ADGRB3: variants seen among roughly 807,000 people sequenced by gnomAD.
The protein encoded by ADGRB3 is brain-specific angiogenesis inhibitor 3.
In ADGRB3, 37 loss-of-function variants were observed where a neutral mutation model predicts 193.4. That is an observed-to-expected ratio of 0.19 (90% CI 0.15 to 0.25). The LOEUF (loss-of-function observed/expected upper bound fraction) is 0.25. Among genes scored for constraint, ADGRB3 ranks in the 10% least tolerant of loss-of-function variants. ADGRB3 has a pLI of 1.00. For missense variants in ADGRB3, 1,637 were observed against 1,852.9 expected, an observed-to-expected ratio of 0.88 and a Z score of 2.14; for synonymous variants, 690 against 644.2, an observed-to-expected ratio of 1.07 and a Z score of -1.08.
intron 3 of ADGRB3, among the ~76,000 whole-genome samples, chr6:68,780,507 A>G (rs897526685): frequency 1.3e-5 from 2 of 152,050 alleles, no homozygotes; most frequent in Non-Finnish European, 2.9e-5. Context: ...ATTACAATCA[A>G]TCCAATGCAT....
intron 3 of ADGRB3, among the ~76,000 whole-genome samples, chr6:68,828,491 A>T (rs1381314620): frequency 2.6e-5 from 4 of 152,192 alleles, no homozygotes; most frequent in Non-Finnish European, 4.4e-5. Flanking sequence ...CACCAAAATA[A>T]AATGTTCACT....
chr6:69,226,666 T>C (rs1766022377), intron 17 of ADGRB3, among the ~76,000 whole-genome samples: 1 of 152,228 alleles, frequency 6.6e-6, no homozygotes, highest in Non-Finnish European at 1.5e-5. Context: ...ACAACCATTA[T>C]TATTTGATTT....
At chr6:69,181,874 G>C (rs1775593394) in intron 17 of ADGRB3, among the ~76,000 whole-genome samples, 1 of 151,780 alleles carries the variant, frequency 6.6e-6, no homozygotes, top group African/African-American at 2.4e-5. Flanking sequence ...TAATCAACTA[G>C]GTTAATAATT....
At chr6:68,705,397 A>G (rs1362235998) in intron 3 of ADGRB3, among the ~76,000 whole-genome samples, 1 of 152,232 alleles carries the variant, frequency 6.6e-6, no homozygotes, top group Non-Finnish European at 1.5e-5. Flanking sequence ...TCTAAAAGTC[A>G]TTGTAATGTA....
intron 13 of ADGRB3, among the ~76,000 whole-genome samples, chr6:69,030,480 C>T (rs1770610202): frequency 6.6e-6 from 1 of 152,104 alleles, no homozygotes; most frequent in Non-Finnish European, 1.5e-5. Flanking sequence ...ATGGATGAAG[C>T]TGGAAACCAT....
At chr6:69,195,712 T>G (rs2150356266) in intron 17 of ADGRB3, among the ~76,000 whole-genome samples, 1 of 152,228 alleles carries the variant, frequency 6.6e-6, no homozygotes, top group African/African-American at 2.4e-5. Context: ...AAGTTTTTTT[T>G]TTGTTTGTTT....
intron 6 of ADGRB3, among the ~76,000 whole-genome samples, chr6:68,947,999 G>A (rs1488083350): frequency 1.3e-5 from 2 of 152,132 alleles, no homozygotes; most frequent in African/African-American, 2.4e-5. Flanking sequence ...TGTGTTAAGT[G>A]ATTTGGCAGA....
Position 69,031,019 on chromosome 6 carries a change from TTTTTTTC to T in ADGRB3, c.2107+12521_2107+12527del, listed in dbSNP as rs1423702381. 7.0e-3 allele frequency among the ~76,000 whole-genome samples: 675 copies of T among 95,854 alleles called. 53 individuals are homozygous for T. The highest frequency in any genetic ancestry group is 0.029 in the Middle Eastern group (5 of 174). The allele number at this position is 95,854 out of a possible 152,430, so 62.9% of individuals were successfully genotyped here. A position where few individuals can be genotyped will look rare whatever the true frequency, so the allele number is the denominator to read the frequency against. On this transcript the variant is annotated intron_variant, in intron 13 of 31. Transcript: ENST00000370598. ...TCTTTTCCTTTCTTTTCTTTTCTTT[TTTTTTTC>T]CTCTTCTCTTCTCTCTTCTCTTCTC...
At chr6:69,276,801 A>G (rs898957623) in intron 20 of ADGRB3, among the ~76,000 whole-genome samples, 1 of 152,084 alleles carries the variant, frequency 6.6e-6, no homozygotes, top group Non-Finnish European at 1.5e-5. Flanking sequence ...CAGATGTAAG[A>G]GGAAACTTTT....
At chr6:69,224,009 T>C (rs1214003514) in intron 17 of ADGRB3, among the ~76,000 whole-genome samples, 1 of 151,942 alleles carries the variant, frequency 6.6e-6, no homozygotes, top group Non-Finnish European at 1.5e-5. Context: ...AGAAGTAATA[T>C]AGTTACACTG....
chr6:68,914,565 A>G (rs1419380842), intron 3 of ADGRB3, among the ~76,000 whole-genome samples: 4 of 152,330 alleles, frequency 2.6e-5, no homozygotes, highest in East Asian at 3.9e-4. Context: ...GAAAGGAACA[A>G]CCAGTACCAG....
At chr6:69,115,142 A>G (rs1223030075) in intron 17 of ADGRB3, among the ~76,000 whole-genome samples, 1 of 152,330 alleles carries the variant, frequency 6.6e-6, no homozygotes, top group African/African-American at 2.4e-5. Flanking sequence ...AGACACATGC[A>G]CATGTATGTT....
At chr6:68,935,118 T>C (rs928696864) in intron 4 of ADGRB3, among the ~76,000 whole-genome samples, 4 of 152,172 alleles carry the variant, frequency 2.6e-5, no homozygotes, top group African/African-American at 4.8e-5. Context: ...CTACTCAAAG[T>C]GTGGTTAGTG....
At chr6:69,011,111 T>C (rs370843526) in intron 11 of ADGRB3, among the ~76,000 whole-genome samples, 9 of 148,084 alleles carry the variant, frequency 6.1e-5, no homozygotes, top group African/African-American at 1.3e-4. Flanking sequence ...CAGTATGTAT[T>C]AGTATGTGTA....
At chr6:68,813,163 G>T (rs999632558) in intron 3 of ADGRB3, among the ~76,000 whole-genome samples, 1 of 152,028 alleles carries the variant, frequency 6.6e-6, no homozygotes, top group East Asian at 1.9e-4. Context: ...AGATCTAATG[G>T]GTTTATCAGC....
At chr6:69,088,332 T>G (rs909213343) in intron 17 of ADGRB3, among the ~76,000 whole-genome samples, 1 of 152,186 alleles carries the variant, frequency 6.6e-6, no homozygotes, top group African/African-American at 2.4e-5. Context: ...TCTAGTTCAA[T>G]ATATACAATA....
At chr6:69,234,462 C>T (rs941509013) in intron 18 of ADGRB3, among the ~76,000 whole-genome samples, 5 of 151,942 alleles carry the variant, frequency 3.3e-5, no homozygotes, top group African/African-American at 4.8e-5. Context: ...TTAAATTTGA[C>T]GTTTGATTTT....
At chr6:68,840,638 C>G (rs1337242222) in intron 3 of ADGRB3, among the ~76,000 whole-genome samples, 3 of 151,780 alleles carry the variant, frequency 2.0e-5, no homozygotes, top group African/African-American at 4.8e-5. Flanking sequence ...GTCAGCTCAG[C>G]TGCAGGTTAA....
chr6:69,359,103 T>G (rs1769392116), intron 28 of ADGRB3, among the ~76,000 whole-genome samples: 1 of 151,716 alleles, frequency 6.6e-6, no homozygotes, highest in Non-Finnish European at 1.5e-5. Context: ...AAGATTAAAC[T>G]TATCTATATA....
Sources: allele counts gnomAD v4.1 joint callset (sites outside exome capture counted in the v4.1 genomes callset), GRCh38; gene constraint gnomAD v4.1.1; transcripts MANE v1.5; gene names NCBI Gene and HGNC (gene_info 2026-07-23, HGNC 2026-07-21).